The following ZFAT variants were observed in gnomAD, a reference collection of about 807,000 sequenced individuals.
ZFAT encodes zinc finger protein ZFAT.
A neutral mutation model predicts 117.7 loss-of-function variants in ZFAT; 64 were observed. That is an observed-to-expected ratio of 0.54 (90% CI 0.44 to 0.67). The LOEUF (loss-of-function observed/expected upper bound fraction) is 0.67. ZFAT is among the 30% of genes least tolerant of loss of function. The pLI is 0.00. For synonymous variants in ZFAT, 679 were observed against 615.0 expected (o/e 1.10, Z -1.54); for missense variants, 1,433 against 1,584.5 (o/e 0.90, Z 1.62).
rs140725919 is a variant in ZFAT at position 134,512,370 on chromosome 8, C to T, written c.3361+105G>A. The T allele has an allele frequency of 1.7e-3, 2,601 of 1,499,418 alleles. 8 individuals carry two copies. Among genetic ancestry groups the T allele is most frequent in the South Asian group, 3.1e-3 (242 of 77,564 alleles). 92.9% of individuals were successfully genotyped at this position (1,499,418 alleles called of 1,614,324 possible). A position where few individuals can be genotyped will look rare whatever the true frequency, so the allele number is the denominator to read the frequency against. On this transcript the variant is annotated intron_variant, in intron 14 of 15. Coordinates refer to ENST00000377838, the MANE Select transcript of ZFAT (RefSeq NM_020863.4). Reference sequence around the variant, plus strand: ...CAGTCTGAACGCTGGGTCAGGGATTCGGAAGTAGATCACCTGATGGACATC... The same window carrying T: ...CAGTCTGAACGCTGGGTCAGGGATTTGGAAGTAGATCACCTGATGGACATC...
chr8:134,484,506 G>A (rs1168114896), intron 15 of ZFAT, among the ~76,000 whole-genome samples: 2 of 152,186 alleles, frequency 1.3e-5, no homozygotes, highest in Admixed American at 6.5e-5. Context: ...ATGGAGGAGA[G>A]TCCCTTTTGG....
chr8:134,762,093 C>T, the ZFAT span, among the ~76,000 whole-genome samples: 3 of 151,900 alleles, frequency 2.0e-5, no homozygotes, highest in Non-Finnish European at 4.4e-5. Flanking sequence ...TGTGGCCCAT[C>T]TTACAACACT....
intron 9 of ZFAT, 74 bp from the exon 10 acceptor site, chr8:134,584,079 T>C (rs1825897295): frequency 2.2e-6 from 3 of 1,391,738 alleles, no homozygotes; most frequent in African/African-American, 2.9e-5. Flanking sequence ...TGAAGGAATA[T>C]ATATATCCAT....
At position 134,712,910 on chromosome 8, in the gene ZFAT, G is replaced by A. The variant is rs1175209373; in HGVS notation, c.-47C>T. ...AAAAAAAAGCCTCGGGCTCTTCCGG[G>A]CCCCCTCCCGTGCCGACCGAGGGGG... is the stretch of plus-strand genomic sequence containing the variant. On this transcript the variant is annotated 5_prime_UTR_variant, in exon 1 of 16. Coordinates refer to ENST00000377838, the MANE Select transcript of ZFAT (RefSeq NM_020863.4). The A allele has an allele frequency of 9.4e-6, 14 of 1,487,320 alleles. No individual in the cohort carries two copies. In the Admixed American group the frequency reaches 2.7e-4, roughly 29 times the overall value. The allele number at this position is 1,487,320 out of a possible 1,614,324, so 92.1% of individuals were successfully genotyped here.
chr8:134,528,279 T>A (rs1027254587), intron 12 of ZFAT, among the ~76,000 whole-genome samples: 2 of 152,248 alleles, frequency 1.3e-5, no homozygotes, highest in Non-Finnish European at 2.9e-5. Flanking sequence ...GGAACGATTA[T>A]GCCAAGCTCA....
intron 11 of ZFAT, among the ~76,000 whole-genome samples, chr8:134,545,528 G>C (rs1216760780): frequency 6.6e-6 from 1 of 152,198 alleles, no homozygotes; most frequent in South Asian, 2.1e-4. Flanking sequence ...ACATGGTTTA[G>C]AGATGCATAC....
the ZFAT span, among the ~76,000 whole-genome samples, chr8:134,750,964 T>C: frequency 1.4e-4 from 22 of 152,360 alleles, no homozygotes; most frequent in African/African-American, 4.8e-4. Context: ...TGTCACCTAA[T>C]GCTTTTTCTG....
Position 134,601,488 on chromosome 8 carries a change from C to T in ZFAT, c.2231G>A (p.Cys744Tyr). 6.2e-7 allele frequency: 1 copy of T among 1,609,664 alleles called. No individual in the cohort carries two copies. The highest frequency in any genetic ancestry group is 8.5e-7 in the Non-Finnish European group (1 of 1,176,874). The change falls in exon 6 of 16, where the codon TGT becomes TAT. Residue 744 changes from cysteine (C) to tyrosine (Y), a missense_variant. Transcript: ENST00000377838. ...CTGCCTTTCCTTACCACAGTATTCA[C>T]ACTCCAGGTCTCCATAAACCTTCCG... is the stretch of plus-strand genomic sequence containing the variant. ...RIRKVYGDLE[C>Y]EYCGKLFWYQ...
chr8:134,693,350 T>C (rs1445133919), intron 1 of ZFAT, among the ~76,000 whole-genome samples: 2 of 152,174 alleles, frequency 1.3e-5, no homozygotes, highest in East Asian at 3.8e-4. Flanking sequence ...TGGCCAAATA[T>C]GGGGCAATCT....
chr8:134,679,783 T>C (rs960026975), intron 1 of ZFAT, among the ~76,000 whole-genome samples: 1 of 152,188 alleles, frequency 6.6e-6, no homozygotes, highest in African/African-American at 2.4e-5. Context: ...TTCATGTCCT[T>C]TGCAGGGACA....
intron 11 of ZFAT, among the ~76,000 whole-genome samples, chr8:134,544,175 C>T (rs1263454020): frequency 3.3e-5 from 5 of 152,156 alleles, no homozygotes; most frequent in Non-Finnish European, 5.9e-5. Context: ...GCATTAACCC[C>T]GCTATGGTGT....
At chr8:134,687,758 A>C (rs17700513) in intron 1 of ZFAT, among the ~76,000 whole-genome samples, 13,453 of 152,268 alleles carry the variant, frequency 0.088, 790 homozygotes, top group Non-Finnish European at 0.12. Context: ...CCACATCAAA[A>C]GTAAAAGGAG....
chr8:134,515,667 T>A (rs1023829651), intron 13 of ZFAT, among the ~76,000 whole-genome samples: 10 of 152,212 alleles, frequency 6.6e-5, no homozygotes, highest in African/African-American at 2.4e-4. Context: ...GTTTTTTTCT[T>A]GTAAATTTGT....
At chr8:134,722,043 A>G in the ZFAT span, among the ~76,000 whole-genome samples, 2 of 152,256 alleles carry the variant, frequency 1.3e-5, no homozygotes, top group African/African-American at 2.4e-5. Flanking sequence ...GTGTGCTCCA[A>G]AGAGGCACAG....
chr8:134,667,934 T>C (rs1832320306), intron 1 of ZFAT, among the ~76,000 whole-genome samples: 1 of 152,108 alleles, frequency 6.6e-6, no homozygotes, highest in Non-Finnish European at 1.5e-5. Context: ...CCAACAGTCT[T>C]AGCAAACAGC....
At chr8:134,566,393 C>CAAAAAA (rs57041885) in intron 10 of ZFAT, among the ~76,000 whole-genome samples, 1 of 77,296 alleles carries the variant, frequency 1.3e-5, no homozygotes. Context: ...GACTCCAACT[C>CAAAAAA]AAAAAAAAAA....
intron 10 of ZFAT, among the ~76,000 whole-genome samples, chr8:134,578,717 A>G (rs10111965): frequency 0.48 from 72,653 of 151,998 alleles, 17,919 homozygotes; most frequent in Admixed American, 0.57. Context: ...GACAGTGGCC[A>G]GTACAAAAAG....
the ZFAT span, among the ~76,000 whole-genome samples, chr8:134,725,520 T>C: frequency 6.6e-6 from 1 of 152,032 alleles, no homozygotes; most frequent in Non-Finnish European, 1.5e-5. Flanking sequence ...CAGCCAGATC[T>C]CATGAGAACT....
At chr8:134,796,553 A>T in the ZFAT span, 1 of 152,164 alleles carries the variant, frequency 6.6e-6, no homozygotes, top group African/African-American at 2.4e-5. Context: ...CTTCTCCTGC[A>T]TTGCACTGCC....
Sources: allele counts gnomAD v4.1 joint callset (sites outside exome capture counted in the v4.1 genomes callset), GRCh38; gene constraint gnomAD v4.1.1; transcripts MANE v1.5; gene names NCBI Gene and HGNC (gene_info 2026-07-23, HGNC 2026-07-21).